PASK: variants seen among roughly 807,000 people sequenced by gnomAD.
PASK encodes the protein PAS domain-containing serine/threonine-protein kinase.
PASK carries 110 observed loss-of-function variants against 121.0 expected under a neutral mutation model. The ratio of observed to expected loss-of-function variants is 0.91; its 90% CI spans 0.78 to 1.06. PASK has a LOEUF of 1.06. Among genes scored for constraint, PASK ranks in the 50% least tolerant of loss-of-function variants. The pLI, the probability that PASK is intolerant of heterozygous loss-of-function variation, is 0.00. For missense variants in PASK, 1,643 were observed against 1,702.3 expected (o/e 0.97, Z 0.61); for synonymous variants, 686 against 717.8 (o/e 0.96, Z 0.71).
chr2:241,135,112 G>A (rs2066345630), intron 8 of PASK, among the ~76,000 whole-genome samples: 1 of 152,250 alleles, frequency 6.6e-6, no homozygotes, highest in Non-Finnish European at 1.5e-5. Context: ...CTCGGGACAG[G>A]AGGCAGTGTG....
chr2:241,123,388 C>T lies in PASK; in HGVS notation c.2905-489G>A, dbSNP rs908496943. ...AGAGATGGGGTTTCACTGTGTTAGC[C>T]AGGATGGTCTTGATCTCCTGACCTC... On this transcript the variant is annotated intron_variant, in intron 11 of 17. Coordinates refer to ENST00000234040, the MANE Select transcript of PASK (RefSeq NM_015148.4). 5.3e-5 allele frequency among the ~76,000 whole-genome samples: 8 copies of T among 152,092 alleles called. No individual in the cohort carries two copies. In the South Asian group the frequency reaches 1.7e-3, roughly 32 times the overall value.
At chr2:241,127,605 T>G in intron 9 of PASK, 154 bp from the exon 10 acceptor site, 1 of 695,708 alleles carries the variant, frequency 1.4e-6, no homozygotes, top group Non-Finnish European at 2.6e-6. Flanking sequence ...AGTTAAAAAA[T>G]AAAGCACTTA....
Position 241,108,727 on chromosome 2 carries a change from C to T in PASK, c.3534-427G>A, listed in dbSNP as rs551210656. On this transcript the variant is annotated intron_variant, in intron 15 of 17. Transcript: ENST00000234040. This position sits in a 1 kb window ranked among gnomAD's most constrained non-coding sequence, Gnocchi z 5.2. ...GGCATGTTCACGATCTTGGTGTGAA[C>T]GGGCTTGGTGTGACCATGGACACAC... is the stretch of plus-strand genomic sequence containing the variant. 1.1e-3 allele frequency: 369 copies of T among 335,830 alleles called. 3 individuals are homozygous for T. The highest frequency in any genetic ancestry group is 8.3e-3 in the South Asian group (344 of 41,336). The allele number at this position is 335,830 out of a possible 1,614,324, so 20.8% of individuals were successfully genotyped here.
At chr2:241,122,970 T>TC in intron 11 of PASK, 71 bp from the exon 12 acceptor site, 1 of 1,467,868 alleles carries the variant, frequency 6.8e-7, no homozygotes, top group South Asian at 1.2e-5. Context: ...CCCACAGTGG[T>TC]CCCCCTGCGT....
intron 1 of PASK, among the ~76,000 whole-genome samples, chr2:241,149,205 A>G (rs1305425686): frequency 6.6e-6 from 1 of 152,120 alleles, no homozygotes; most frequent in Non-Finnish European, 1.5e-5. Context: ...CAACGGCCGC[A>G]ACCCCGCCGC....
intron 1 of PASK, among the ~76,000 whole-genome samples, chr2:241,148,992 G>T (rs2067126582): frequency 6.6e-6 from 1 of 151,954 alleles, no homozygotes; most frequent in African/African-American, 2.4e-5. Context: ...CCGCGGCGCC[G>T]GCTGAGCCCG....
intron 14 of PASK, chr2:241,114,524 A>T: frequency 9.0e-6 from 9 of 1,003,684 alleles, no homozygotes; most frequent in Non-Finnish European, 1.1e-5. Context: ...TTGGATCATC[A>T]CTCTCCCATT....
In PASK at chr2:241,126,555, T is replaced by C. The variant is rs765359392; in HGVS notation, c.2360A>G (p.Gln787Arg). Residue 787 changes from glutamine (Q) to arginine (R), a missense_variant, in exon 10 of 18, where the codon CAG becomes CGG. Transcript: ENST00000234040. ...CCTGTCATCCAGGACACACGACCCC[T>C]GTTCCTGGAGACTGCCTACATCTGG... is the stretch of plus-strand genomic sequence containing the variant. ...SDPDVGSLQE[Q>R]GSCVLDDREL... The C allele has an allele frequency of 3.1e-6, 5 of 1,614,098 alleles. No homozygotes were observed. Among genetic ancestry groups the C allele is most frequent in the East Asian group, 2.2e-5 (1 of 44,904 alleles).
intron 9 of PASK, among the ~76,000 whole-genome samples, chr2:241,132,542 A>T (rs1305486021): frequency 6.6e-6 from 1 of 150,776 alleles, no homozygotes; most frequent in East Asian, 1.9e-4. Context: ...AAAAAAAAAA[A>T]AAAAAAAAAA....
Position 241,140,577 on chromosome 2 carries a change from C to T in PASK, c.373G>A (p.Ala125Thr), listed in dbSNP as rs201151513. ...SSGWSSPLLP[A>T]PVCNPNKAIF... Reference sequence around the variant, plus strand: ...GCCTTGTTAGGGTTGCACACAGGGGCCGGAAGCAGAGGTGAGGACCACCCT... The same window carrying T: ...GCCTTGTTAGGGTTGCACACAGGGGTCGGAAGCAGAGGTGAGGACCACCCT... The change falls in exon 3 of 18, where the codon GCC becomes ACC. Residue 125 changes from alanine to threonine, a missense_variant. This residue lies in a region of PASK where 1,176 missense variants were observed against 1,162.2 expected (regional missense o/e 1.01). Coordinates refer to ENST00000234040, the MANE Select transcript of PASK (RefSeq NM_015148.4). 10 of 1,614,090 alleles carry T rather than the reference C, an allele frequency of 6.2e-6. No individual in the cohort carries two copies. In the East Asian group the frequency reaches 1.3e-4, roughly 22 times the overall value.
At chr2:241,121,288 C>G (rs1214628102) in intron 12 of PASK, among the ~76,000 whole-genome samples, 1 of 152,160 alleles carries the variant, frequency 6.6e-6, no homozygotes, top group Admixed American at 6.5e-5. Flanking sequence ...TCTGTATATA[C>G]TAAAATCTAC....
At chr2:241,146,319 C>T (rs12467315) in intron 1 of PASK, among the ~76,000 whole-genome samples, 3,750 of 152,198 alleles carry the variant, frequency 0.025, 316 homozygotes, top group East Asian at 0.23. Flanking sequence ...AAACATTTGT[C>T]TATATGGATA....
chr2:241,139,544 CA>C, intron 4 of PASK: 1 of 546,926 alleles, frequency 1.8e-6, no homozygotes, highest in South Asian at 1.5e-5. Flanking sequence ...ACAATAAAAC[CA>C]TATTACTCTT....
Position 241,127,029 on chromosome 2 carries a change from C to G in PASK, c.1886G>C (p.Ser629Thr). The G allele has an allele frequency of 6.2e-7, 1 of 1,614,180 alleles. No individual in the cohort carries two copies. Among genetic ancestry groups the G allele is most frequent in the Non-Finnish European group, 8.5e-7 (1 of 1,180,038 alleles). Residue 629 changes from serine (S) to threonine (T), a missense_variant, in exon 10 of 18, where the codon AGC (serine) becomes ACC (threonine). Coordinates refer to ENST00000234040, the MANE Select transcript of PASK (RefSeq NM_015148.4). ...CGAGAGGCCTGCCATCCCAGAGGGG[C>G]TGGGGGCCAAGTCCTGGCTTCGCCA... ...LWWRSQDLAP[S>T]PSGMAGLSFG...
chr2:241,139,896 A>ACACCACCG lies in PASK; in HGVS notation c.581_588dup (p.Phe197ArgfsTer24). On this transcript the variant is annotated frameshift_variant, in exon 4 of 18. Transcript: ENST00000234040. LOFTEE classifies it high-confidence loss of function. ...CCGCATCCACTCACCACCGTGCCAA[A>ACACCACCG]CACCACCGCAGCGTGGCCGTCGGCC... 1 of 1,614,052 alleles carries ACACCACCG rather than the reference A, an allele frequency of 6.2e-7. No individual in the cohort carries two copies. Among genetic ancestry groups the ACACCACCG allele is most frequent in the East Asian group, 2.2e-5 (1 of 44,886 alleles).
chr2:241,143,338 C>A (rs771770981), intron 1 of PASK, among the ~76,000 whole-genome samples: 22 of 152,000 alleles, frequency 1.4e-4, no homozygotes, highest in Non-Finnish European at 1.5e-4. Context: ...GTCAGGAGAT[C>A]GAGGAGATCG....
In PASK at chr2:241,114,076, G is replaced by A. The variant is rs1032762621; in HGVS notation, c.3333+967C>T. 6 of 984,948 alleles carry A rather than the reference G, an allele frequency of 6.1e-6. No individual in the cohort carries two copies. The African/African-American group carries it at 7.0e-5, about 11-fold the overall frequency. The allele number at this position is 984,948 out of a possible 1,614,324, so 61.0% of individuals were successfully genotyped here. The stretch of plus-strand genomic sequence containing the variant: ...TGTCAGGCAGCAGCTTTTAACAAGC[G>A]ACCCTCAACATAACCTCATACAGAT... On this transcript the variant is annotated intron_variant, in intron 14 of 17. Coordinates refer to ENST00000234040, the MANE Select transcript of PASK (RefSeq NM_015148.4).
At position 241,126,642 on chromosome 2, in the gene PASK, T is replaced by C. The variant is rs1428191081; in HGVS notation, c.2273A>G (p.Asn758Ser). 22 of 1,614,084 alleles carry C rather than the reference T, an allele frequency of 1.4e-5. No homozygotes were observed. In the Admixed American group the frequency reaches 3.7e-4, roughly 27 times the overall value. The change falls in exon 10 of 18, where the codon AAT (asparagine) becomes AGT (serine). Residue 758 changes from asparagine (N) to serine (S), a missense_variant. This residue lies in a region of PASK where 1,176 missense variants were observed against 1,162.2 expected (regional missense o/e 1.01). Coordinates refer to ENST00000234040, the MANE Select transcript of PASK (RefSeq NM_015148.4). ...FSDQTDQTSSNCSCATSELRE... is the reference protein window; with the variant it reads ...FSDQTDQTSSSCSCATSELRE... The stretch of plus-strand genomic sequence containing the variant: ...GAGTTCAGACGTAGCACAGGAACAA[T>C]TTGATGACGTTTGGTCTGTCTGGTC...
chr2:241,115,262 G>A (rs779348089), intron 13 of PASK, 26 bp downstream of exon 13: 184 of 1,613,792 alleles, frequency 1.1e-4, no homozygotes, highest in Non-Finnish European at 1.4e-4. Context: ...GCCAAGTTAG[G>A]GTATCTCTGA....
Sources: allele counts gnomAD v4.1 joint callset (sites outside exome capture counted in the v4.1 genomes callset), GRCh38; gene constraint gnomAD v4.1.1; regional missense constraint gnomAD v4.1.1; non-coding constraint Gnocchi (gnomAD v3.1); transcripts MANE v1.5; gene names NCBI Gene and HGNC (gene_info 2026-07-23, HGNC 2026-07-21).